The following RGS7 variants were observed in gnomAD, a reference collection of about 807,000 sequenced individuals.
RGS7 encodes regulator of G-protein signaling 7.
RGS7 carries 27 observed loss-of-function variants against 81.1 expected under a neutral mutation model. The observed-to-expected ratio is 0.33, with a 90% CI of 0.25 to 0.46. The LOEUF (loss-of-function observed/expected upper bound fraction) is 0.46, where lower values mean the gene tolerates loss of function less well. Among genes scored for constraint, RGS7 ranks in the 20% least tolerant of loss-of-function variants. The pLI is 1.00. For synonymous variants in RGS7, 208 were observed against 207.7 expected (o/e 1.00, Z -0.01); for missense variants, 396 against 607.4 (o/e 0.65, Z 3.66).
At chr1:241,147,423 A>G (rs1273562646) in intron 2 of RGS7, among the ~76,000 whole-genome samples, 1 of 152,150 alleles carries the variant, frequency 6.6e-6, no homozygotes, top group Non-Finnish European at 1.5e-5. Context: ...TAGTGCCTTC[A>G]TGTAGAAGTA....
intron 2 of RGS7, among the ~76,000 whole-genome samples, chr1:241,330,612 G>A (rs1425674161): frequency 6.6e-6 from 1 of 152,134 alleles, no homozygotes; most frequent in East Asian, 1.9e-4. Flanking sequence ...AGAGTATCCA[G>A]AAAGTGGGTT....
At chr1:241,065,603 G>C (rs1428265634) in intron 3 of RGS7, among the ~76,000 whole-genome samples, 1 of 152,088 alleles carries the variant, frequency 6.6e-6, no homozygotes, top group South Asian at 2.1e-4. Flanking sequence ...TAAATTATCA[G>C]AAAATTTAGA....
At chr1:240,782,523 A>AGCGATCCTCCTGCCTCAGCCTCCC (rs1684297158) in intron 18 of RGS7, among the ~76,000 whole-genome samples, 1 of 152,124 alleles carries the variant, frequency 6.6e-6, no homozygotes, top group Non-Finnish European at 1.5e-5. Flanking sequence ...CCCAGGCTCA[A>AGCGATCCTCCTGCCTCAGCCTCCC]GCGATCCTCC....
Position 241,335,999 on chromosome 1 carries a change from A to AT in RGS7, c.78+19699dup, listed in dbSNP as rs146756649. On this transcript the variant is annotated intron_variant, in intron 2 of 18. Coordinates refer to ENST00000440928, the MANE Select transcript of RGS7 (RefSeq NM_001364886.1). ...GTTATGTTAGAGTAGTGTGATTATG[A>AT]TTGCTTCTTCTTCTTCTTTTTCCTT... Among the ~76,000 whole-genome samples, 1,337 of 152,252 alleles carry AT rather than the reference A, an allele frequency of 8.8e-3. 23 individuals are homozygous for AT. Among genetic ancestry groups the AT allele is most frequent in the African/African-American group, 0.031 (1,274 of 41,536 alleles).
intron 9 of RGS7, among the ~76,000 whole-genome samples, chr1:240,850,717 T>A (rs1441239427): frequency 6.6e-6 from 1 of 152,142 alleles, no homozygotes; most frequent in Non-Finnish European, 1.5e-5. Context: ...AAGAAAAAGT[T>A]CTTCAAAAGC....
chr1:240,891,649 T>C (rs1668310041), intron 6 of RGS7, among the ~76,000 whole-genome samples: 1 of 152,232 alleles, frequency 6.6e-6, no homozygotes, highest in Admixed American at 6.5e-5. Flanking sequence ...TAGAGATATA[T>C]AATTCAGACC....
intron 2 of RGS7, among the ~76,000 whole-genome samples, chr1:241,176,111 T>A (rs1280566015): frequency 6.6e-6 from 1 of 152,172 alleles, no homozygotes; most frequent in Non-Finnish European, 1.5e-5. Flanking sequence ...CTGGCTAATC[T>A]GCCTAGACAG....
intron 4 of RGS7, among the ~76,000 whole-genome samples, chr1:240,941,145 GGT>G (rs1381624529): frequency 6.6e-6 from 1 of 152,126 alleles, no homozygotes; most frequent in Non-Finnish European, 1.5e-5. Flanking sequence ...ATATACTGGT[GGT>G]GATACAGGTA....
chr1:240,800,917 C>T (rs1158531219), intron 17 of RGS7, among the ~76,000 whole-genome samples, 196 bp from the exon 18 acceptor site: 1 of 151,996 alleles, frequency 6.6e-6, no homozygotes, highest in African/African-American at 2.4e-5. Flanking sequence ...TTTTCAACAC[C>T]TTCCTGAAAA....
At chr1:240,932,883 T>C (rs1406050928) in intron 5 of RGS7, among the ~76,000 whole-genome samples, 2 of 113,108 alleles carry the variant, frequency 1.8e-5, no homozygotes, top group African/African-American at 7.2e-5. Context: ...TTTCTTTTTT[T>C]TTTTTTTTTT....
chr1:240,898,179 C>T (rs1368783386), intron 6 of RGS7, among the ~76,000 whole-genome samples: 1 of 152,062 alleles, frequency 6.6e-6, no homozygotes, highest in Non-Finnish European at 1.5e-5. Context: ...CTCTCTTCTT[C>T]TTGATTAGTC....
chr1:240,841,262 G>A (rs569351963), intron 9 of RGS7, among the ~76,000 whole-genome samples: 2 of 152,326 alleles, frequency 1.3e-5, no homozygotes, highest in Admixed American at 6.5e-5. Context: ...GAGAAGTCAA[G>A]ATGAGAATAG....
intron 3 of RGS7, among the ~76,000 whole-genome samples, chr1:241,040,477 C>A (rs1250635891): frequency 6.7e-6 from 1 of 148,768 alleles, no homozygotes; most frequent in Non-Finnish European, 1.5e-5. Context: ...TTTTACTTTT[C>A]TTTTTATTTA....
At chr1:241,315,950 G>C (rs1324538578) in intron 2 of RGS7, among the ~76,000 whole-genome samples, 2 of 152,184 alleles carry the variant, frequency 1.3e-5, no homozygotes, top group Non-Finnish European at 2.9e-5. Context: ...TATCTTTTGA[G>C]ATGACTGTGT....
chr1:241,104,007 G>C (rs2064943991), intron 2 of RGS7, among the ~76,000 whole-genome samples: 1 of 152,204 alleles, frequency 6.6e-6, no homozygotes, highest in African/African-American at 2.4e-5. Context: ...ACCTGAGTTT[G>C]AATCCTGACT....
At position 241,184,493 on chromosome 1, in the gene RGS7, C is replaced by G. The variant is rs1014277522; in HGVS notation, c.79-85731G>C. 2.0e-5 allele frequency among the ~76,000 whole-genome samples: 3 copies of G among 152,280 alleles called. No individual in the cohort carries two copies. In the East Asian group the frequency reaches 5.8e-4, roughly 29 times the overall value. Reference sequence around the variant, plus strand: ...ATTTGAAATTCCCAAATCGGAAATGCTCCAAAATCCAAAACTTTTTGAGTG... The same window carrying G: ...ATTTGAAATTCCCAAATCGGAAATGGTCCAAAATCCAAAACTTTTTGAGTG... On this transcript the variant is annotated intron_variant, in intron 2 of 18. Coordinates refer to ENST00000440928, the MANE Select transcript of RGS7 (RefSeq NM_001364886.1).
intron 2 of RGS7, among the ~76,000 whole-genome samples, chr1:241,263,928 G>A (rs575360081): frequency 6.6e-6 from 1 of 152,266 alleles, no homozygotes; most frequent in African/African-American, 2.4e-5. Context: ...TCATGCCAGT[G>A]ATTATTCAAA....
chr1:240,923,176 A>G (rs1673865287), intron 6 of RGS7, among the ~76,000 whole-genome samples: 1 of 152,088 alleles, frequency 6.6e-6, no homozygotes, highest in African/African-American at 2.4e-5. Context: ...AGTGTGTGCC[A>G]GGGGTTAGGG....
At chr1:240,814,814 T>A in intron 11 of RGS7, 37 bp from the exon 12 acceptor site, 1 of 1,306,420 alleles carries the variant, frequency 7.7e-7, no homozygotes, top group Non-Finnish European at 1.1e-6. Flanking sequence ...ACATAAGTAA[T>A]GACATTTTCA....
Sources: allele counts gnomAD v4.1 joint callset (sites outside exome capture counted in the v4.1 genomes callset), GRCh38; gene constraint gnomAD v4.1.1; transcripts MANE v1.5; gene names NCBI Gene and HGNC (gene_info 2026-07-23, HGNC 2026-07-21).